Variants in NMNAT1 observed in about 807,000 individuals in gnomAD.
NMNAT1 encodes the protein nicotinamide nucleotide adenylyltransferase 1.
A neutral mutation model predicts 16.7 loss-of-function variants in NMNAT1; 11 were observed. The observed-to-expected ratio is 0.66, with a 90% CI of 0.41 to 1.09. The LOEUF is 1.09. NMNAT1 is among the 50% of genes least tolerant of loss of function. The probability of loss-of-function intolerance (pLI) is 0.00; values close to 1 mark genes in which losing one functional copy is unlikely to be tolerated. For synonymous variants in NMNAT1, 110 were observed against 119.8 expected (o/e 0.92, Z 0.53); for missense variants, 280 against 332.3 (o/e 0.84, Z 1.22).
intron 1 of NMNAT1, among the ~76,000 whole-genome samples, chr1:9,953,541 A>G (rs1218941617): frequency 1.3e-5 from 2 of 151,682 alleles, no homozygotes; most frequent in Non-Finnish European, 2.9e-5. Context: ...CCCGGGTTCA[A>G]GTGATTCTCC....
intron 1 of NMNAT1, among the ~76,000 whole-genome samples, chr1:9,951,575 C>T (rs1161056203): frequency 2.0e-5 from 3 of 152,060 alleles, no homozygotes; most frequent in Non-Finnish European, 4.4e-5. Flanking sequence ...CCTGGGTTCA[C>T]GGGATCCTCC....
At chr1:9,952,461 C>T (rs924677905) in intron 1 of NMNAT1, 2 of 152,260 alleles carry the variant, frequency 1.3e-5, no homozygotes, top group African/African-American at 4.8e-5. Context: ...ACAAACTGCA[C>T]AGTAAAACCT....
chr1:9,943,483 G>C lies in NMNAT1; in HGVS notation c.-89G>C, dbSNP rs1203880147. The C allele has an allele frequency of 6.6e-6, 1 of 152,358 alleles. No homozygotes were observed. Among genetic ancestry groups the C allele is most frequent in the Non-Finnish European group, 1.5e-5 (1 of 68,146 alleles). 9.4% of individuals were successfully genotyped at this position (152,358 alleles called of 1,614,324 possible). A position where few individuals can be genotyped will look rare whatever the true frequency, so the allele number is the denominator to read the frequency against. ...GCGTCCGGGCCGCTGGTGATCTCCG[G>C]TAGCACTCGGGCCGGCGGACAGTGA... On this transcript the variant is annotated 5_prime_UTR_variant, in exon 1 of 5. Transcript: ENST00000377205.
the NMNAT1 span, among the ~76,000 whole-genome samples, chr1:9,995,574 A>G: frequency 2.6e-5 from 4 of 151,620 alleles, no homozygotes; most frequent in Admixed American, 6.6e-5. Context: ...GGTACCTGTA[A>G]TCCCAGCTAC....
intron 1 of NMNAT1, among the ~76,000 whole-genome samples, chr1:9,948,435 G>C (rs1165837130): frequency 6.6e-6 from 1 of 152,046 alleles, no homozygotes; most frequent in Non-Finnish European, 1.5e-5. Context: ...AGAGTAGCCA[G>C]GTCTGGTGGG....
intron 1 of NMNAT1, chr1:9,949,939 A>T (rs1412112346): frequency 1.3e-5 from 2 of 152,160 alleles, no homozygotes; most frequent in African/African-American, 4.8e-5. Context: ...ACAAAAAATG[A>T]GGTTTAGAAA....
chr1:9,995,452 G>A, the NMNAT1 span, among the ~76,000 whole-genome samples: 3 of 151,880 alleles, frequency 2.0e-5, no homozygotes. Context: ...CAGCACTTTG[G>A]GAAGCTTAGG....
intron 3 of NMNAT1, among the ~76,000 whole-genome samples, chr1:9,977,656 C>T (rs762235621): frequency 5.3e-5 from 8 of 151,828 alleles, no homozygotes; most frequent in Non-Finnish European, 1.0e-4. Context: ...CACCTGAGTC[C>T]AGTAGTTCAA....
At chr1:9,957,371 C>A (rs1360460224) in intron 1 of NMNAT1, among the ~76,000 whole-genome samples, 1 of 146,420 alleles carries the variant, frequency 6.8e-6, no homozygotes. Context: ...CACTCTGTTT[C>A]TTGCAGTGCC....
chr1:9,982,922 A>C lies in NMNAT1; in HGVS notation c.*221A>C. The C allele has an allele frequency of 2.4e-6, 1 of 416,892 alleles. No individual in the cohort carries two copies. The highest frequency in any genetic ancestry group is 4.4e-6 in the Non-Finnish European group (1 of 228,526). The allele number at this position is 416,892 out of a possible 1,614,324, so 25.8% of individuals were successfully genotyped here. A position where few individuals can be genotyped will look rare whatever the true frequency, so the allele number is the denominator to read the frequency against. On this transcript the variant is annotated 3_prime_UTR_variant, in exon 5 of 5. Coordinates refer to ENST00000377205, the MANE Select transcript of NMNAT1 (RefSeq NM_022787.4). ...AGAGATCGAGACCATCCTGGCCAATATGGTGAAACCCCATCTCTACTAAAA... is the reference window on the plus strand; with the variant it reads ...AGAGATCGAGACCATCCTGGCCAATCTGGTGAAACCCCATCTCTACTAAAA...
chr1:9,972,494 CA>C (rs34232396), intron 2 of NMNAT1: 114 of 143,070 alleles, frequency 8.0e-4, no homozygotes, highest in South Asian at 2.8e-3. Flanking sequence ...GACACCATCT[CA>C]AAAAAAAAAA....
chr1:9,996,847 G>A, the NMNAT1 span, among the ~76,000 whole-genome samples: 2 of 152,226 alleles, frequency 1.3e-5, no homozygotes, highest in East Asian at 3.9e-4. Flanking sequence ...ACTTCTCTCA[G>A]GACTCCTTGT....
intron 1 of NMNAT1, among the ~76,000 whole-genome samples, chr1:9,966,717 T>C (rs1557466260): frequency 6.6e-6 from 1 of 152,126 alleles, no homozygotes; most frequent in Non-Finnish European, 1.5e-5. Flanking sequence ...AGGCAGCATT[T>C]AAAAGGTTCT....
At chr1:9,958,444 T>C (rs1164782740) in intron 1 of NMNAT1, among the ~76,000 whole-genome samples, 1 of 140,848 alleles carries the variant, frequency 7.1e-6, no homozygotes. Flanking sequence ...TTTTGTTTTG[T>C]TTTTTTTTTT....
At chr1:9,965,315 C>CA (rs1183019689) in intron 1 of NMNAT1, among the ~76,000 whole-genome samples, 1,772 of 50,794 alleles carry the variant, frequency 0.035, 62 homozygotes, top group African/African-American at 0.096. Context: ...GACTCCATCT[C>CA]AAAAAAAAAA....
intron 1 of NMNAT1, among the ~76,000 whole-genome samples, chr1:9,966,351 G>A (rs1035265570): frequency 1.8e-4 from 27 of 152,010 alleles, no homozygotes; most frequent in African/African-American, 6.0e-4. Context: ...GGTGGCTCAC[G>A]CCTGTAATCC....
At chr1:9,957,386 T>C (rs1296680378) in intron 1 of NMNAT1, among the ~76,000 whole-genome samples, 1 of 150,540 alleles carries the variant, frequency 6.6e-6, no homozygotes, top group Non-Finnish European at 1.5e-5. Context: ...AGTGCCGCGA[T>C]CTTGGCTCAC....
intron 1 of NMNAT1, among the ~76,000 whole-genome samples, chr1:9,952,972 T>C (rs1289485893): frequency 2.0e-5 from 3 of 152,048 alleles, no homozygotes; most frequent in Admixed American, 6.6e-5. Flanking sequence ...TCCTTTGATA[T>C]AGATTGTATG....
intron 1 of NMNAT1, among the ~76,000 whole-genome samples, chr1:9,962,923 C>T (rs1293016002): frequency 6.6e-6 from 1 of 152,054 alleles, no homozygotes; most frequent in African/African-American, 2.4e-5. Context: ...CCTCGTGATC[C>T]GCCCGTCTCG....
Sources: gnomAD v4.1 joint callset for allele counts (sites outside exome capture counted in the v4.1 genomes callset) on GRCh38, gnomAD v4.1.1 for gene constraint, MANE v1.5 for transcripts, NCBI Gene and HGNC (gene_info 2026-07-23, HGNC 2026-07-21) for gene names.